Variants in BCLAF3 observed in about 807,000 individuals in gnomAD.
BCLAF3 encodes BCLAF1 and THRAP3 family member 3.
BCLAF3 carries 24 observed loss-of-function variants against 51.2 expected under a neutral mutation model. That is an observed-to-expected ratio of 0.47 (90% confidence interval 0.34 to 0.66). BCLAF3 has a LOEUF of 0.66. BCLAF3 is among the 30% of genes least tolerant of loss of function. The pLI is 0.01. For synonymous variants in BCLAF3, 152 were observed against 176.6 expected (o/e 0.86, Z 1.10); for missense variants, 465 against 525.1 (o/e 0.89, Z 1.12).
At chrX:19,981,723 C>T (rs928916572) in intron 1 of BCLAF3, among the ~76,000 whole-genome samples, 3 of 112,356 alleles carry the variant, frequency 2.7e-5, no homozygotes, top group Middle Eastern at 4.6e-3. Context: ...CATGCTACAA[C>T]ACAGACAAAC....
intron 10 of BCLAF3, among the ~76,000 whole-genome samples, chrX:19,934,538 A>G: frequency 8.9e-6 from 1 of 112,685 alleles, no homozygotes; most frequent in Non-Finnish European, 1.9e-5. Context: ...TTGGCTAAAA[A>G]TGTAATCTAT....
chrX:19,929,719 T>C (rs1249397589), intron 11 of BCLAF3, 66 bp downstream of exon 11: 10 of 1,025,702 alleles, frequency 9.7e-6, no homozygotes, highest in African/African-American at 7.7e-5. Flanking sequence ...ATTTATCTAA[T>C]GAACATAGAT....
intron 8 of BCLAF3, among the ~76,000 whole-genome samples, chrX:19,945,280 A>C (rs1475747874): frequency 9.2e-6 from 1 of 108,386 alleles, no homozygotes; most frequent in Non-Finnish European, 1.9e-5. Flanking sequence ...AGCTCGTCAA[A>C]GTCATTCTCC....
At chrX:19,965,847 G>T in intron 3 of BCLAF3, 141 bp from the exon 4 acceptor site, 1 of 658,659 alleles carries the variant, frequency 1.5e-6, no homozygotes, top group Non-Finnish European at 2.2e-6. Flanking sequence ...AATTCTATAG[G>T]CACAAGGCAG....
rs780118157 is a variant in BCLAF3 at position 19,950,949 on chromosome X, C to G, written c.1630-81G>C. The G allele has an allele frequency of 2.7e-4, 169 of 629,149 alleles. 1 individual carries two copies. In the South Asian group the frequency reaches 4.3e-3, roughly 16 times the overall value. 51.8% of individuals were successfully genotyped at this position (629,149 alleles called of 1,213,427 possible). ...CCATATCTAACAAGAACGTTAATTA[C>G]AAGTCCTAGATAAGTTACCTTGTAC... On this transcript the variant is annotated intron_variant, in intron 7 of 11. Coordinates refer to ENST00000379682, the MANE Select transcript of BCLAF3 (RefSeq NM_001367774.2).
At chrX:19,947,990 A>G (rs754706769) in intron 8 of BCLAF3, among the ~76,000 whole-genome samples, 1 of 112,657 alleles carries the variant, frequency 8.9e-6, no homozygotes, top group Non-Finnish European at 1.9e-5. Flanking sequence ...ATAAAAGGAT[A>G]ATATATTTTT....
At chrX:19,939,497 T>C (rs963388010) in intron 8 of BCLAF3, among the ~76,000 whole-genome samples, 1 of 111,741 alleles carries the variant, frequency 8.9e-6, no homozygotes, top group African/African-American at 3.3e-5. Context: ...CAATGGCCAA[T>C]AAGCACATAG....
chrX:19,930,919 T>C (rs138041719), intron 10 of BCLAF3, among the ~76,000 whole-genome samples: 2 of 112,515 alleles, frequency 1.8e-5, no homozygotes, highest in Non-Finnish European at 3.8e-5. Flanking sequence ...GTTCAGAACC[T>C]CTAATGAACT....
At chrX:19,959,718 C>T (rs894884922) in intron 4 of BCLAF3, among the ~76,000 whole-genome samples, 3 of 110,857 alleles carry the variant, frequency 2.7e-5, no homozygotes, top group African/African-American at 9.8e-5. Context: ...GTCAAGGCTG[C>T]AGTGAGCCGT....
chrX:19,972,164 CTTAG>C lies in BCLAF3; in HGVS notation c.-34-1870_-34-1867del, dbSNP rs1377056158. On this transcript the variant is annotated intron_variant, in intron 1 of 11. Transcript: ENST00000379682. ...AAAACACTAAAGGAAAAAATGTTTA[CTTAG>C]TAACTAAAAGTATCAAAATGTATTC... is the stretch of plus-strand genomic sequence containing the variant. Among the ~76,000 whole-genome samples, 3 of 112,340 alleles carry C rather than the reference CTTAG, an allele frequency of 2.7e-5. No homozygotes were observed. In the East Asian group the frequency reaches 8.3e-4, roughly 31 times the overall value.
chrX:19,932,635 G>A (rs1454903048), intron 10 of BCLAF3, among the ~76,000 whole-genome samples: 1 of 105,606 alleles, frequency 9.5e-6, no homozygotes, highest in Non-Finnish European at 1.9e-5. Context: ...GAGTTCAAGC[G>A]ATTCTCCTGC....
chrX:19,935,692 TTA>T, intron 10 of BCLAF3, 115 bp downstream of exon 10: 1 of 581,326 alleles, frequency 1.7e-6, no homozygotes, highest in Admixed American at 2.7e-5. Context: ...AAATACTAGT[TTA>T]TAGCTACCAT....
At chrX:19,940,538 G>A (rs2070982473) in intron 8 of BCLAF3, among the ~76,000 whole-genome samples, 1 of 110,370 alleles carries the variant, frequency 9.1e-6, no homozygotes, top group Non-Finnish European at 1.9e-5. Flanking sequence ...TTTTGTTCTT[G>A]CGATAATTTA....
chrX:19,965,426 C>A lies in BCLAF3; in HGVS notation c.892G>T (p.Gly298Trp). The A allele has an allele frequency of 8.3e-7, 1 of 1,211,669 alleles. No individual in the cohort carries two copies. The highest frequency in any genetic ancestry group is 1.1e-6 in the Non-Finnish European group (1 of 895,428). The change falls in exon 4 of 12, where the codon GGG becomes TGG. Residue 298 changes from glycine to tryptophan, a missense_variant. Coordinates refer to ENST00000379682, the MANE Select transcript of BCLAF3 (RefSeq NM_001367774.2). ...LLDGDQDFSD[G>W]RTQKYCKEED... Reference sequence around the variant, plus strand: ...TCCTTACAGTACTTCTGAGTTCTCCCATCAGAAAAGTCCTGGTCCCCATCC... The same window carrying A: ...TCCTTACAGTACTTCTGAGTTCTCCAATCAGAAAAGTCCTGGTCCCCATCC...
chrX:19,940,626 T>C (rs1414102226), intron 8 of BCLAF3, among the ~76,000 whole-genome samples: 2 of 109,932 alleles, frequency 1.8e-5, no homozygotes, highest in African/African-American at 6.6e-5. Context: ...CTGCATAGTA[T>C]TCCATGGTGT....
rs1430384825 is a variant in BCLAF3, at chrX:19,937,528, C to A, written c.1750G>T (p.Asp584Tyr). ...FHIASAAERD[D>Y]QNSSFSKVKN... ...ACCTTTGAAAAACTGGAATTCTGAT[C>A]ATCCCTAATAAGGAAACAGAGAAAA... The change falls in exon 9 of 12, where the codon GAT becomes TAT. Residue 584 changes from aspartate (D) to tyrosine (Y), a missense_variant. Asp to Tyr is a radical substitution (Grantham distance 160, BLOSUM62 -3). Transcript: ENST00000379682. 8.8e-6 allele frequency: 9 copies of A among 1,019,613 alleles called. No individual in the cohort carries two copies. The highest frequency in any genetic ancestry group is 1.1e-5 in the Non-Finnish European group (8 of 737,072). 84.0% of individuals were successfully genotyped at this position (1,019,613 alleles called of 1,213,427 possible).
intron 9 of BCLAF3, among the ~76,000 whole-genome samples, chrX:19,936,804 G>T (rs1214133886): frequency 9.0e-6 from 1 of 111,312 alleles, no homozygotes; most frequent in Non-Finnish European, 1.9e-5. Flanking sequence ...GTGTTGGTTG[G>T]GGGTGGCAAA....
intron 1 of BCLAF3, among the ~76,000 whole-genome samples, chrX:19,978,516 T>C (rs1244307208): frequency 1.8e-5 from 2 of 112,318 alleles, no homozygotes; most frequent in Non-Finnish European, 3.8e-5. Context: ...ATGATCAAAC[T>C]TGGATGTATG....
intron 4 of BCLAF3, among the ~76,000 whole-genome samples, chrX:19,963,541 G>C (rs1207952038): frequency 3.6e-5 from 4 of 111,934 alleles, no homozygotes; most frequent in African/African-American, 1.3e-4. Context: ...TAAAATTGTT[G>C]TAGAGTAGTA....
Sources: allele counts gnomAD v4.1 joint callset (sites outside exome capture counted in the v4.1 genomes callset), GRCh38; gene constraint gnomAD v4.1.1; transcripts MANE v1.5; gene names NCBI Gene and HGNC (gene_info 2026-07-23, HGNC 2026-07-21).